The following PTPRT variants were observed in gnomAD, a reference collection of about 807,000 sequenced individuals.
The protein encoded by PTPRT is protein tyrosine phosphatase receptor type T.
A neutral mutation model predicts 176.8 loss-of-function variants in PTPRT; 56 were observed. The observed-to-expected ratio is 0.32, with a 90% CI of 0.26 to 0.40. The LOEUF is 0.40. Ranked by LOEUF, PTPRT falls within the 10% of genes least tolerant of loss-of-function variation. The pLI, the probability that PTPRT is intolerant of heterozygous loss-of-function variation, is 1.00. For synonymous variants in PTPRT, 783 were observed against 739.0 expected (o/e 1.06, Z -0.96); for missense variants, 1,540 against 1,908.2 (o/e 0.81, Z 3.60).
chr20:42,620,924 G>A (rs886763967), intron 7 of PTPRT, among the ~76,000 whole-genome samples: 1 of 152,174 alleles, frequency 6.6e-6, no homozygotes, highest in African/African-American at 2.4e-5. Context: ...GCTGGGAGCT[G>A]TAGACCGGAG....
At chr20:42,033,780 G>A in the PTPRT span, among the ~76,000 whole-genome samples, 6 of 152,276 alleles carry the variant, frequency 3.9e-5, no homozygotes, top group African/African-American at 1.4e-4. Context: ...ATTTGCATGG[G>A]GGGATCTGGC....
At chr20:42,445,841 G>T (rs1214065124) in intron 9 of PTPRT, among the ~76,000 whole-genome samples, 2 of 152,162 alleles carry the variant, frequency 1.3e-5, no homozygotes, top group African/African-American at 4.8e-5. Flanking sequence ...AGGACAACCT[G>T]CTCTAATCTG....
intron 9 of PTPRT, among the ~76,000 whole-genome samples, chr20:42,409,573 A>G (rs1405898358): frequency 3.3e-5 from 5 of 151,646 alleles, no homozygotes; most frequent in African/African-American, 1.2e-4. Flanking sequence ...AAAAGTGCCA[A>G]TAGGTTGCTG....
chr20:42,669,841 T>C (rs900282754), intron 7 of PTPRT, among the ~76,000 whole-genome samples: 12 of 152,098 alleles, frequency 7.9e-5, no homozygotes, highest in Non-Finnish European at 1.6e-4. Context: ...TTCCAATCCC[T>C]TTTTGCTCTG....
intron 6 of PTPRT, among the ~76,000 whole-genome samples, chr20:42,682,329 C>A (rs2075617457): frequency 6.6e-6 from 1 of 152,052 alleles, no homozygotes; most frequent in Non-Finnish European, 1.5e-5. Flanking sequence ...GAAGAGAATG[C>A]CACTAATTAC....
intron 7 of PTPRT, among the ~76,000 whole-genome samples, chr20:42,531,117 T>C (rs2072375755): frequency 6.6e-6 from 1 of 152,238 alleles, no homozygotes; most frequent in Admixed American, 6.5e-5. Flanking sequence ...GTTGGCAACT[T>C]AAAACCTGAA....
In PTPRT at chr20:42,420,020, G is replaced by C. The variant is rs1384856815; in HGVS notation, c.1560+28200C>G. Among the ~76,000 whole-genome samples, 5 of 152,244 alleles carry C rather than the reference G, an allele frequency of 3.3e-5. 1 individual carries two copies. The highest frequency in any genetic ancestry group is 1.9e-4 in the East Asian group (1 of 5,166). On this transcript the variant is annotated intron_variant, in intron 9 of 30. Transcript: ENST00000373187. ...AGGTTTTCCCCAACAGCCTTCGGAGGGGGTGGGGACCTGCTGACACCTCGA... is the reference window on the plus strand; with the variant it reads ...AGGTTTTCCCCAACAGCCTTCGGAGCGGGTGGGGACCTGCTGACACCTCGA...
At chr20:42,958,011 G>T (rs1234230190) in intron 1 of PTPRT, among the ~76,000 whole-genome samples, 1 of 151,286 alleles carries the variant, frequency 6.6e-6, no homozygotes, top group Non-Finnish European at 1.5e-5. Flanking sequence ...CTCATTTATT[G>T]CAGTCAGTCA....
At chr20:43,046,385 C>T (rs1986839595) in intron 1 of PTPRT, among the ~76,000 whole-genome samples, 2 of 151,852 alleles carry the variant, frequency 1.3e-5, no homozygotes, top group South Asian at 2.1e-4. Flanking sequence ...TGGCTAACAC[C>T]GTGAAACCCT....
intron 9 of PTPRT, among the ~76,000 whole-genome samples, chr20:42,372,897 G>A (rs1443522445): frequency 6.6e-6 from 1 of 152,162 alleles, no homozygotes; most frequent in Non-Finnish European, 1.5e-5. Context: ...CTCCAGAACT[G>A]CAAGAAAAAA....
At chr20:42,482,439 C>A (rs1409376074) in intron 7 of PTPRT, among the ~76,000 whole-genome samples, 2 of 152,112 alleles carry the variant, frequency 1.3e-5, no homozygotes, top group African/African-American at 4.8e-5. Flanking sequence ...TATTCTTTGC[C>A]AAAAGTAAAG....
At chr20:42,555,278 A>T (rs1343081096) in intron 7 of PTPRT, among the ~76,000 whole-genome samples, 1 of 152,222 alleles carries the variant, frequency 6.6e-6, no homozygotes, top group African/African-American at 2.4e-5. Context: ...TAATCAACTC[A>T]AAGTATTCAT....
chr20:42,976,879 C>T lies in PTPRT; in HGVS notation c.89-90947G>A, dbSNP rs1285696013. Among the ~76,000 whole-genome samples the T allele has an allele frequency of 2.6e-5, 4 of 152,136 alleles. No individual in the cohort carries two copies. The East Asian group carries it at 5.8e-4, about 22-fold the overall frequency. On this transcript the variant is annotated intron_variant, in intron 1 of 30. Transcript: ENST00000373187. ...TAACCATTTAGTTACATCTTTGCCA[C>T]CTCTGGGAACTGCAATTTTAGAAAA...
chr20:42,063,401 TG>T, the PTPRT span: 1 of 152,182 alleles, frequency 6.6e-6, no homozygotes, highest in Non-Finnish European at 1.5e-5. Context: ...CTTGAGGCCC[TG>T]CTGGGGGTGA....
intron 7 of PTPRT, among the ~76,000 whole-genome samples, chr20:42,601,100 C>T (rs976235281): frequency 6.6e-5 from 10 of 152,218 alleles, no homozygotes; most frequent in Non-Finnish European, 1.2e-4. Context: ...TCCATCCCCA[C>T]ATCTACCATG....
rs934337670 is a variant in PTPRT at position 42,393,673 on chromosome 20, A to G, written c.1561-41388T>C. Among the ~76,000 whole-genome samples the G allele has an allele frequency of 2.0e-5, 3 of 152,306 alleles. No individual in the cohort carries two copies. The East Asian group carries it at 5.8e-4, about 29-fold the overall frequency. ...TGTAGTATTTATGTATTCCTTAGCT[A>G]TTTAACATGTCTAAAACTGAGCTAA... is the stretch of plus-strand genomic sequence containing the variant. On this transcript the variant is annotated intron_variant, in intron 9 of 30. Transcript: ENST00000373187.
intron 10 of PTPRT, 56 bp downstream of exon 10, chr20:42,352,028 A>C: frequency 6.5e-7 from 1 of 1,550,362 alleles, no homozygotes; most frequent in Non-Finnish European, 8.9e-7. Context: ...TTCAAGGAAA[A>C]TCAGGAAGTG....
intron 1 of PTPRT, among the ~76,000 whole-genome samples, chr20:43,126,232 T>G (rs2013433491): frequency 6.6e-6 from 1 of 152,178 alleles, no homozygotes; most frequent in Non-Finnish European, 1.5e-5. Flanking sequence ...GTGCCTGTAA[T>G]CCCAGCTACT....
chr20:42,793,620 C>T (rs542090584), intron 2 of PTPRT, among the ~76,000 whole-genome samples: 1 of 152,222 alleles, frequency 6.6e-6, no homozygotes, highest in Non-Finnish European at 1.5e-5. Context: ...TATGGCCGTG[C>T]AGTAACACAA....
Sources: allele counts gnomAD v4.1 joint callset (sites outside exome capture counted in the v4.1 genomes callset), GRCh38; gene constraint gnomAD v4.1.1; transcripts MANE v1.5; gene names NCBI Gene and HGNC (gene_info 2026-07-23, HGNC 2026-07-21).